The following TEX11 variants were observed in gnomAD, a reference collection of about 807,000 sequenced individuals.
TEX11 encodes testis expressed 11.
A neutral mutation model predicts 84.4 loss-of-function variants in TEX11; 7 were observed. That is an observed-to-expected ratio of 0.08 (90% CI 0.05 to 0.16). The LOEUF (loss-of-function observed/expected upper bound fraction) is 0.16. TEX11 is among the 10% of genes least tolerant of loss of function. TEX11 has a pLI of 1.00. For synonymous variants in TEX11, 264 were observed against 222.8 expected (o/e 1.18, Z -1.64); for missense variants, 551 against 660.5 (o/e 0.83, Z 1.82).
intron 25 of TEX11, among the ~76,000 whole-genome samples, chrX:70,588,088 T>A (rs1463207563): frequency 8.9e-6 from 1 of 112,255 alleles, no homozygotes; most frequent in African/African-American, 3.2e-5. Flanking sequence ...ACTAACTTGG[T>A]TTTGCTGTTA....
chrX:70,524,817 G>A (rs936434182), downstream of TEX11, among the ~76,000 whole-genome samples: 3 of 111,846 alleles, frequency 2.7e-5, no homozygotes, highest in African/African-American at 9.7e-5. Flanking sequence ...CGCCTGCCTC[G>A]GCCTCCCAAA....
intron 5 of TEX11, among the ~76,000 whole-genome samples, chrX:70,859,748 GC>G (rs543293638): frequency 9.0e-6 from 1 of 111,308 alleles, no homozygotes; most frequent in South Asian, 3.8e-4. Flanking sequence ...AGGCGCAGTG[GC>G]TCATGCCTGT....
At chrX:70,740,427 T>C (rs1249729909) in intron 11 of TEX11, among the ~76,000 whole-genome samples, 1 of 111,230 alleles carries the variant, frequency 9.0e-6, no homozygotes, top group Non-Finnish European at 1.9e-5. Context: ...TCTCCCAAAG[T>C]CCCCACCTTT....
chrX:70,816,974 C>T (rs2091289646), intron 8 of TEX11, among the ~76,000 whole-genome samples: 1 of 109,955 alleles, frequency 9.1e-6, no homozygotes, highest in African/African-American at 3.3e-5. Context: ...TGATTAAATA[C>T]ATAAATACAT....
intron 5 of TEX11, among the ~76,000 whole-genome samples, chrX:70,854,572 C>CA (rs1157536073): frequency 9.2e-6 from 1 of 109,225 alleles, no homozygotes; most frequent in Admixed American, 9.8e-5. Context: ...CCTGTCTCTA[C>CA]AAAAAATTTA....
intron 17 of TEX11, among the ~76,000 whole-genome samples, chrX:70,634,218 A>G (rs1421915252): frequency 8.9e-6 from 1 of 112,064 alleles, no homozygotes; most frequent in East Asian, 2.8e-4. Context: ...GAGAAATTAA[A>G]GACCTAAATA....
intron 28 of TEX11, among the ~76,000 whole-genome samples, chrX:70,550,471 G>A (rs886635590): frequency 6.3e-5 from 7 of 111,438 alleles, no homozygotes; most frequent in Admixed American, 3.8e-4. Flanking sequence ...TGCAGAATGA[G>A]AGAAAATATT....
intron 9 of TEX11, among the ~76,000 whole-genome samples, chrX:70,792,461 A>AATGTAAC (rs1340562599): frequency 1.0e-5 from 1 of 98,429 alleles, no homozygotes; most frequent in Non-Finnish European, 2.1e-5. Context: ...TAAAATTAAC[A>AATGTAAC]ATGTAACATC....
chrX:70,752,134 T>C (rs2147759146), intron 9 of TEX11, among the ~76,000 whole-genome samples: 1 of 111,938 alleles, frequency 8.9e-6, no homozygotes, highest in East Asian at 2.8e-4. Flanking sequence ...ACAATAAATA[T>C]GTTTGTGTTC....
chrX:70,623,334 C>T (rs932360142), intron 20 of TEX11, among the ~76,000 whole-genome samples: 4 of 111,342 alleles, frequency 3.6e-5, no homozygotes, highest in Non-Finnish European at 5.7e-5. Flanking sequence ...GATTTGTGAA[C>T]GAAAAATTGG....
intron 9 of TEX11, among the ~76,000 whole-genome samples, chrX:70,803,992 G>GT (rs111405891): frequency 0.027 from 2,818 of 104,165 alleles, 43 homozygotes; most frequent in Non-Finnish European, 0.041. Context: ...AAAAAACAAT[G>GT]TTTTTTTTTT....
intron 9 of TEX11, among the ~76,000 whole-genome samples, chrX:70,752,496 G>T (rs1221522477): frequency 2.2e-5 from 2 of 89,240 alleles, no homozygotes; most frequent in African/African-American, 8.8e-5. Context: ...CTGCATCCCA[G>T]CCTGGGTGAC....
At chrX:70,617,027 T>G (rs1321125436) in intron 20 of TEX11, among the ~76,000 whole-genome samples, 1 of 111,407 alleles carries the variant, frequency 9.0e-6, no homozygotes, top group Non-Finnish European at 1.9e-5. Context: ...CAACTAAAAG[T>G]GTATAATCAA....
intron 4 of TEX11, among the ~76,000 whole-genome samples, chrX:70,862,071 G>A (rs2091573478): frequency 9.7e-6 from 1 of 103,592 alleles, no homozygotes; most frequent in Non-Finnish European, 1.9e-5. Flanking sequence ...GCTCACTGCA[G>A]CCTCAAATTC....
At chrX:70,798,092 A>G in intron 9 of TEX11, among the ~76,000 whole-genome samples, 1 of 107,468 alleles carries the variant, frequency 9.3e-6, no homozygotes, top group Non-Finnish European at 1.9e-5. Context: ...ACATAATCTT[A>G]TATTAGAAAA....
rs756270182 is a variant in TEX11, at chrX:70,531,093, T to C, written c.2521-1094A>G. Among the ~76,000 whole-genome samples, 6 of 111,359 alleles carry C rather than the reference T, an allele frequency of 5.4e-5. No homozygotes were observed. In the South Asian group the frequency reaches 2.3e-3, roughly 43 times the overall value. On this transcript the variant is annotated intron_variant, in intron 28 of 29. Coordinates refer to ENST00000374333, the MANE Select transcript of TEX11 (RefSeq NM_031276.3). ...CACAGTGAGCTTTCCATTCCTCTAATATAACTTATGTTATATTGTTTTGAA... is the reference window on the plus strand; with the variant it reads ...CACAGTGAGCTTTCCATTCCTCTAACATAACTTATGTTATATTGTTTTGAA...
chrX:70,548,288 G>A (rs1342319983), intron 28 of TEX11, among the ~76,000 whole-genome samples: 1 of 108,863 alleles, frequency 9.2e-6, no homozygotes, highest in Non-Finnish European at 1.9e-5. Context: ...GGAGTGGGGA[G>A]GGATAGCATT....
rs745493661 is a variant in TEX11 at position 70,562,688 on chromosome X, C to T, written c.2141-7888G>A. 8.0e-5 allele frequency among the ~76,000 whole-genome samples: 9 copies of T among 111,815 alleles called. 1 individual carries two copies. The highest frequency in any genetic ancestry group is 1.9e-4 in the African/African-American group (6 of 30,784). The stretch of plus-strand genomic sequence containing the variant: ...GATTGATTTATTTTAAAATTGTATC[C>T]GGTAAAATCTACTCTTTGTGGCATA... On this transcript the variant is annotated intron_variant, in intron 25 of 29. Transcript: ENST00000374333.
chrX:70,754,870 G>A (rs1380511443), intron 9 of TEX11, among the ~76,000 whole-genome samples: 1 of 111,899 alleles, frequency 8.9e-6, no homozygotes. Flanking sequence ...TTTTGCCCAA[G>A]ACCATCAAGG....
Sources: allele counts gnomAD v4.1 joint callset (sites outside exome capture counted in the v4.1 genomes callset), GRCh38; gene constraint gnomAD v4.1.1; transcripts MANE v1.5; gene names NCBI Gene and HGNC (gene_info 2026-07-23, HGNC 2026-07-21).